DAAM1: variants seen among roughly 807,000 people sequenced by gnomAD.
DAAM1 encodes disheveled-associated activator of morphogenesis 1.
In DAAM1, 52 loss-of-function variants were observed where a neutral mutation model predicts 130.0. The ratio of observed to expected loss-of-function variants is 0.40; its 90% confidence interval spans 0.32 to 0.50. DAAM1 has a LOEUF of 0.50. Ranked by LOEUF, DAAM1 falls within the 20% of genes least tolerant of loss-of-function variation. DAAM1 has a pLI of 0.61. For synonymous variants in DAAM1, 452 were observed against 444.5 expected (o/e 1.02, Z -0.21); for missense variants, 1,134 against 1,303.8 (o/e 0.87, Z 2.01).
At chr14:59,203,630 T>C (rs1363867562) in intron 1 of DAAM1, among the ~76,000 whole-genome samples, 1 of 152,204 alleles carries the variant, frequency 6.6e-6, no homozygotes, top group East Asian at 1.9e-4. Flanking sequence ...TGAGAATCTT[T>C]GTTATAAAGA....
At chr14:59,325,594 T>C in intron 8 of DAAM1, 70 bp from the exon 9 acceptor site, 2 of 1,302,968 alleles carry the variant, frequency 1.5e-6, no homozygotes, top group Non-Finnish European at 2.2e-6. Context: ...ATGATATTAA[T>C]GTCCTCAGTC....
intron 3 of DAAM1, among the ~76,000 whole-genome samples, chr14:59,313,515 T>A (rs1463751701): frequency 6.6e-6 from 1 of 152,216 alleles, no homozygotes; most frequent in Non-Finnish European, 1.5e-5. Flanking sequence ...TCTGTAACTG[T>A]TAAATATTAA....
In DAAM1 at chr14:59,369,631, TTTTAAAGAACA is replaced by T. The variant is rs1887069765; in HGVS notation, c.*773_*783del. The T allele has an allele frequency of 6.6e-6, 1 of 152,396 alleles. No homozygotes were observed. The highest frequency in any genetic ancestry group is 2.4e-5 in the African/African-American group (1 of 41,386). 9.4% of individuals were successfully genotyped at this position (152,396 alleles called of 1,614,324 possible). A position where few individuals can be genotyped will look rare whatever the true frequency, so the allele number is the denominator to read the frequency against. The stretch of plus-strand genomic sequence containing the variant: ...ACTATATAAATGCAATCCATGCTTT[TTTTAAAGAACA>T]ACATTGCCAGAGTATGCTTGTTCTA... On this transcript the variant is annotated 3_prime_UTR_variant, in exon 25 of 25. Transcript: ENST00000360909.
chr14:59,343,920 G>T (rs113047129), intron 16 of DAAM1, among the ~76,000 whole-genome samples: 1 of 152,200 alleles, frequency 6.6e-6, no homozygotes, highest in Admixed American at 6.5e-5. Flanking sequence ...GAATGGGCAC[G>T]TCTTAGAGAC....
chr14:59,191,120 A>G (rs1219956456), intron 1 of DAAM1, among the ~76,000 whole-genome samples: 4 of 152,182 alleles, frequency 2.6e-5, no homozygotes, highest in African/African-American at 9.7e-5. Flanking sequence ...AGATGTTGCA[A>G]TTATGGGGGA....
chr14:59,290,651 A>C (rs1052517876), intron 2 of DAAM1, among the ~76,000 whole-genome samples: 1 of 152,164 alleles, frequency 6.6e-6, no homozygotes, highest in Non-Finnish European at 1.5e-5. Flanking sequence ...GCTTTCCGCT[A>C]TTCACTCCCT....
At chr14:59,290,987 T>C (rs1434916458) in intron 2 of DAAM1, among the ~76,000 whole-genome samples, 2 of 152,246 alleles carry the variant, frequency 1.3e-5, no homozygotes, top group African/African-American at 4.8e-5. Context: ...CCTTTGTGAC[T>C]GTAGGGCTGT....
At chr14:59,347,656 G>A (rs1318249012) in intron 17 of DAAM1, 33 bp downstream of exon 17, 3 of 1,599,600 alleles carry the variant, frequency 1.9e-6, no homozygotes, top group Non-Finnish European at 1.7e-6. Context: ...GAGCAGAAGT[G>A]AAAAGCGACC....
chr14:59,262,146 C>T (rs536951250), intron 1 of DAAM1, among the ~76,000 whole-genome samples: 6 of 151,938 alleles, frequency 3.9e-5, no homozygotes, highest in Admixed American at 6.6e-5. Context: ...CTTAAAAAAG[C>T]ATGAAAAGAA....
intron 17 of DAAM1, among the ~76,000 whole-genome samples, chr14:59,351,373 C>T (rs987400009): frequency 5.3e-5 from 8 of 152,182 alleles, no homozygotes; most frequent in Non-Finnish European, 1.2e-4. Flanking sequence ...CACTCTCCTA[C>T]GTGAGATTTT....
chr14:59,358,847 A>G (rs1346800665), intron 20 of DAAM1, among the ~76,000 whole-genome samples: 3 of 152,092 alleles, frequency 2.0e-5, no homozygotes, highest in Non-Finnish European at 4.4e-5. Flanking sequence ...AAAAAAAAAA[A>G]AAAAAGTATC....
At chr14:59,251,108 C>A (rs150600598) in intron 1 of DAAM1, among the ~76,000 whole-genome samples, 1 of 152,302 alleles carries the variant, frequency 6.6e-6, no homozygotes, top group African/African-American at 2.4e-5. Context: ...AAGTATGAGA[C>A]AACATTTATT....
chr14:59,277,720 T>C (rs1267482868), intron 2 of DAAM1, among the ~76,000 whole-genome samples: 1 of 152,000 alleles, frequency 6.6e-6, no homozygotes, highest in Non-Finnish European at 1.5e-5. Flanking sequence ...GAAAAAAAAA[T>C]TCTCTGACCA....
chr14:59,310,959 CTG>C (rs892687378), intron 3 of DAAM1, among the ~76,000 whole-genome samples: 2 of 99,180 alleles, frequency 2.0e-5, no homozygotes, highest in Admixed American at 9.6e-5. Context: ...ACATCTTAAA[CTG>C]AAAAAAAACA....
chr14:59,205,784 C>G (rs989802701), intron 1 of DAAM1, among the ~76,000 whole-genome samples: 2 of 152,160 alleles, frequency 1.3e-5, no homozygotes, highest in African/African-American at 4.8e-5. Flanking sequence ...AAGCAGTTAT[C>G]TAACTTAAAC....
chr14:59,275,356 T>C (rs1343133398), intron 2 of DAAM1, among the ~76,000 whole-genome samples: 1 of 152,116 alleles, frequency 6.6e-6, no homozygotes, highest in Non-Finnish European at 1.5e-5. Flanking sequence ...AGCTGGGTGA[T>C]GAAATCATCT....
intron 1 of DAAM1, among the ~76,000 whole-genome samples, chr14:59,209,113 A>G (rs1366409735): frequency 6.6e-6 from 1 of 152,244 alleles, no homozygotes; most frequent in Non-Finnish European, 1.5e-5. Flanking sequence ...GCGCATGTGC[A>G]TGTTTCTCCT....
intron 12 of DAAM1, among the ~76,000 whole-genome samples, chr14:59,330,260 T>C (rs1337988154): frequency 3.5e-5 from 5 of 141,936 alleles, no homozygotes; most frequent in East Asian, 2.1e-4. Flanking sequence ...GAACTGTGAG[T>C]GTAGGCTCTC....
chr14:59,328,848 G>A (rs1013089836), intron 12 of DAAM1, among the ~76,000 whole-genome samples: 1 of 152,174 alleles, frequency 6.6e-6, no homozygotes, highest in Admixed American at 6.5e-5. Flanking sequence ...GATGGGTAGA[G>A]TCTAAAAGAG....
Sources: allele counts gnomAD v4.1 joint callset (sites outside exome capture counted in the v4.1 genomes callset), GRCh38; gene constraint gnomAD v4.1.1; transcripts MANE v1.5; gene names NCBI Gene and HGNC (gene_info 2026-07-23, HGNC 2026-07-21).